ROBO2: variants seen among roughly 807,000 people sequenced by gnomAD.
ROBO2 encodes the protein roundabout homolog 2.
ROBO2 carries 53 observed loss-of-function variants against 160.8 expected under a neutral mutation model. The observed-to-expected ratio is 0.33, with a 90% CI of 0.26 to 0.41. ROBO2 has a LOEUF of 0.41. Among genes scored for constraint, ROBO2 ranks in the 10% least tolerant of loss-of-function variants. The pLI is 1.00. For synonymous variants in ROBO2, 664 were observed against 611.7 expected (o/e 1.09, Z -1.26); for missense variants, 1,577 against 1,722.4 (o/e 0.92, Z 1.49).
At position 76,657,756 on chromosome 3, in the gene ROBO2, A is replaced by G. The variant is rs28495033; in HGVS notation, c.110-440258A>G. 4.9e-3 allele frequency among the ~76,000 whole-genome samples: 627 copies of G among 127,782 alleles called. 9 individuals are homozygous for G. The highest frequency in any genetic ancestry group is 0.026 in the African/African-American group (594 of 22,600). 83.8% of individuals were successfully genotyped at this position (127,782 alleles called of 152,430 possible). ...AGTGTATATATATTCATATATATGT[A>G]TATATATATGTTCATAGGTATGTGT... On this transcript the variant is annotated intron_variant, in intron 2 of 26. Transcript: ENST00000487694.
intron 2 of ROBO2, among the ~76,000 whole-genome samples, chr3:76,840,642 ATT>A (rs1212459200): frequency 1.0e-4 from 6 of 58,732 alleles, no homozygotes; most frequent in African/African-American, 2.7e-4. Flanking sequence ...TATTAATTAT[ATT>A]TTATATATAT....
chr3:76,438,526 T>C (rs1183870510), intron 2 of ROBO2, among the ~76,000 whole-genome samples: 1 of 151,980 alleles, frequency 6.6e-6, no homozygotes, highest in African/African-American at 2.4e-5. Context: ...CTCTACCTAA[T>C]ATTGTAAAGC....
intron 2 of ROBO2, among the ~76,000 whole-genome samples, chr3:76,276,328 G>T (rs978672089): frequency 6.6e-6 from 1 of 151,826 alleles, no homozygotes; most frequent in Non-Finnish European, 1.5e-5. Context: ...GCCACATATG[G>T]CTATTTAAAT....
At chr3:76,086,147 C>T (rs548283587) in intron 2 of ROBO2, among the ~76,000 whole-genome samples, 11 of 152,004 alleles carry the variant, frequency 7.2e-5, no homozygotes, top group Non-Finnish European at 1.0e-4. Context: ...ACTCACAGTA[C>T]GGCCTGGCTG....
chr3:76,411,556 C>T (rs750548683), intron 2 of ROBO2, among the ~76,000 whole-genome samples: 1 of 151,940 alleles, frequency 6.6e-6, no homozygotes, highest in Non-Finnish European at 1.5e-5. Context: ...TTTTTTTCTG[C>T]CATAGTTCTT....
intron 2 of ROBO2, among the ~76,000 whole-genome samples, chr3:76,632,779 G>A (rs766877600): frequency 6.6e-6 from 1 of 152,016 alleles, no homozygotes; most frequent in Non-Finnish European, 1.5e-5. Context: ...CCTCTACATT[G>A]GGATGTCTAA....
intron 1 of ROBO2, among the ~76,000 whole-genome samples, chr3:75,920,270 C>G (rs1172835815): frequency 1.3e-5 from 2 of 152,056 alleles, no homozygotes. Flanking sequence ...TTATTTCTGC[C>G]TTAATTTTGC....
At chr3:77,284,106 T>G (rs2060423282) in intron 2 of ROBO2, among the ~76,000 whole-genome samples, 1 of 152,158 alleles carries the variant, frequency 6.6e-6, no homozygotes, top group South Asian at 2.1e-4. Flanking sequence ...TACCTGTTTT[T>G]GGGAAATAAG....
intron 2 of ROBO2, among the ~76,000 whole-genome samples, chr3:76,444,154 A>G (rs1196430671): frequency 6.6e-6 from 1 of 151,810 alleles, no homozygotes; most frequent in Non-Finnish European, 1.5e-5. Flanking sequence ...TAATTTTTGT[A>G]TTTTTAGTAG....
At chr3:75,953,296 A>G (rs1045513027) in intron 2 of ROBO2, among the ~76,000 whole-genome samples, 2 of 151,954 alleles carry the variant, frequency 1.3e-5, no homozygotes, top group African/African-American at 4.8e-5. Flanking sequence ...GATATTGGCC[A>G]TTTTAATAGT....
At chr3:77,213,585 C>G (rs1237855488) in intron 2 of ROBO2, among the ~76,000 whole-genome samples, 5 of 152,090 alleles carry the variant, frequency 3.3e-5, no homozygotes, top group Non-Finnish European at 1.5e-5. Context: ...CCCTTCAGTT[C>G]TGCTCTGATC....
intron 2 of ROBO2, among the ~76,000 whole-genome samples, chr3:77,155,443 G>A (rs2077923471): frequency 6.6e-6 from 1 of 151,984 alleles, no homozygotes; most frequent in South Asian, 2.1e-4. Flanking sequence ...AGAAGAAAGT[G>A]CCTGCCAACC....
intron 2 of ROBO2, among the ~76,000 whole-genome samples, chr3:77,267,166 T>C (rs1320096659): frequency 2.0e-5 from 3 of 152,190 alleles, no homozygotes; most frequent in African/African-American, 7.2e-5. Flanking sequence ...AAAATGATCT[T>C]ACTTGCAATC....
intron 2 of ROBO2, among the ~76,000 whole-genome samples, chr3:76,895,762 T>C (rs2074718820): frequency 6.6e-6 from 1 of 152,214 alleles, no homozygotes. Flanking sequence ...TGTAGGAAGA[T>C]AGTTTTCATT....
rs574868397 is a variant in ROBO2 at position 76,834,344 on chromosome 3, T to C, written c.110-263670T>C. 2.0e-5 allele frequency among the ~76,000 whole-genome samples: 3 copies of C among 151,612 alleles called. No homozygotes were observed. In the East Asian group the frequency reaches 5.8e-4, roughly 29 times the overall value. ...CTGTAACTACAGGGGCACACTACCATGCCCTGCTAATTATTTATTTATTTA... is the reference window on the plus strand; with the variant it reads ...CTGTAACTACAGGGGCACACTACCACGCCCTGCTAATTATTTATTTATTTA... On this transcript the variant is annotated intron_variant, in intron 2 of 26. Coordinates refer to the ROBO2 transcript ENST00000487694.
At chr3:76,051,587 T>C (rs2067654657) in intron 2 of ROBO2, among the ~76,000 whole-genome samples, 1 of 152,152 alleles carries the variant, frequency 6.6e-6, no homozygotes, top group South Asian at 2.1e-4. Context: ...GTCTAGTTCA[T>C]GCAACAATTA....
intron 2 of ROBO2, among the ~76,000 whole-genome samples, chr3:76,687,106 T>C (rs888667305): frequency 1.3e-4 from 20 of 152,090 alleles, no homozygotes; most frequent in African/African-American, 4.6e-4. Context: ...GCGATACCTA[T>C]TTACAGCTAT....
intron 2 of ROBO2, among the ~76,000 whole-genome samples, chr3:76,759,268 C>T (rs561860302): frequency 2.2e-4 from 33 of 151,858 alleles, no homozygotes; most frequent in African/African-American, 7.2e-4. Context: ...TTCCCCTCCA[C>T]CTATACTCAC....
At chr3:77,621,980 T>C (rs868128521) in intron 22 of ROBO2, among the ~76,000 whole-genome samples, 5 of 152,112 alleles carry the variant, frequency 3.3e-5, no homozygotes, top group African/African-American at 1.2e-4. Context: ...ACTGGGCCCG[T>C]ATTTTTTTTT....
Sources: gnomAD v4.1 joint callset for allele counts (sites outside exome capture counted in the v4.1 genomes callset) on GRCh38, gnomAD v4.1.1 for gene constraint, MANE v1.5 for transcripts, NCBI Gene and HGNC (gene_info 2026-07-23, HGNC 2026-07-21) for gene names.